The following TMC1 variants were observed in gnomAD, a reference collection of about 807,000 sequenced individuals.
The protein encoded by TMC1 is transmembrane channel like 1, also known as transmembrane channel-like protein 1.
TMC1 carries 84 observed loss-of-function variants against 105.8 expected under a neutral mutation model. That is an observed-to-expected ratio of 0.79 (90% CI 0.67 to 0.95). The LOEUF is 0.95. TMC1 is among the 40% of genes least tolerant of loss of function. TMC1 has a pLI of 0.00. For missense variants in TMC1, 817 were observed against 914.1 expected, an observed-to-expected ratio of 0.89 and a Z score of 1.37; for synonymous variants, 315 against 311.5, an observed-to-expected ratio of 1.01 and a Z score of -0.12.
At chr9:72,614,027 A>G (rs544447164) in intron 2 of TMC1, among the ~76,000 whole-genome samples, 21 of 152,186 alleles carry the variant, frequency 1.4e-4, no homozygotes, top group Non-Finnish European at 2.1e-4. Flanking sequence ...GGGCTATTAT[A>G]CTGTGAATTT....
chr9:72,606,087 C>T (rs1824907001), intron 2 of TMC1, among the ~76,000 whole-genome samples: 1 of 152,052 alleles, frequency 6.6e-6, no homozygotes, highest in Middle Eastern at 3.2e-3. Flanking sequence ...ACAATTTAGC[C>T]CATAGACACC....
intron 1 of TMC1, among the ~76,000 whole-genome samples, chr9:72,534,668 A>G (rs1030150410): frequency 6.6e-5 from 10 of 152,336 alleles, no homozygotes; most frequent in East Asian, 3.9e-4. Flanking sequence ...ATGGAATTCT[A>G]TATATTTAGT....
intron 12 of TMC1, among the ~76,000 whole-genome samples, chr9:72,758,346 G>A (rs1827703669): frequency 6.6e-6 from 1 of 151,926 alleles, no homozygotes; most frequent in Admixed American, 6.6e-5. Flanking sequence ...TAAGAGAGAG[G>A]GAAGGACCTT....
At chr9:72,616,101 C>G (rs1006731311) in intron 2 of TMC1, among the ~76,000 whole-genome samples, 1 of 152,170 alleles carries the variant, frequency 6.6e-6, no homozygotes, top group Non-Finnish European at 1.5e-5. Context: ...ACTGCTAAAA[C>G]AGAGAATATT....
intron 1 of TMC1, among the ~76,000 whole-genome samples, chr9:72,539,515 T>TC (rs1308887009): frequency 6.6e-6 from 1 of 151,962 alleles, no homozygotes; most frequent in Non-Finnish European, 1.5e-5. Context: ...GCCAAGTTTT[T>TC]TTTTCTAAAG....
At chr9:72,585,536 A>G (rs1824542036) in intron 2 of TMC1, among the ~76,000 whole-genome samples, 2 of 152,210 alleles carry the variant, frequency 1.3e-5, no homozygotes, top group South Asian at 4.1e-4. Flanking sequence ...AAGGGAAGGA[A>G]AAGCCAATGA....
At chr9:72,788,557 G>A (rs1828209170) in intron 14 of TMC1, 74 bp downstream of exon 14, 2 of 1,442,402 alleles carry the variant, frequency 1.4e-6, no homozygotes, top group South Asian at 2.3e-5. Flanking sequence ...ATCTGGTCCA[G>A]TAGTGCAGTA....
intron 2 of TMC1, among the ~76,000 whole-genome samples, chr9:72,599,509 A>G (rs1824771799): frequency 6.6e-6 from 1 of 152,218 alleles, no homozygotes; most frequent in Admixed American, 6.5e-5. Flanking sequence ...AGGCCTGGGG[A>G]GGAGGTACCA....
At chr9:72,820,805 A>G (rs761471688) in intron 19 of TMC1, 37 bp from the exon 20 acceptor site, 1 of 1,613,198 alleles carries the variant, frequency 6.2e-7, no homozygotes. Context: ...TATGGAGTAA[A>G]GACTCAAAAC....
chr9:72,584,691 T>C (rs183634026), intron 2 of TMC1, among the ~76,000 whole-genome samples: 1 of 152,074 alleles, frequency 6.6e-6, no homozygotes, highest in South Asian at 2.1e-4. Flanking sequence ...GCGAGTAGAA[T>C]TTTTTTAAGG....
At chr9:72,634,463 G>T (rs1196487631) in intron 4 of TMC1, among the ~76,000 whole-genome samples, 1 of 152,148 alleles carries the variant, frequency 6.6e-6, no homozygotes, top group African/African-American at 2.4e-5. Flanking sequence ...CTTCTCATAA[G>T]CCCAACCTTG....
At chr9:72,751,683 A>G (rs927875926) in intron 10 of TMC1, among the ~76,000 whole-genome samples, 167 bp from the exon 11 acceptor site, 3 of 152,178 alleles carry the variant, frequency 2.0e-5, no homozygotes, top group Non-Finnish European at 4.4e-5. Context: ...CATGATTAAC[A>G]TTTTCTCTTC....
chr9:72,633,477 C>A (rs1344737851), intron 4 of TMC1, among the ~76,000 whole-genome samples: 1 of 152,114 alleles, frequency 6.6e-6, no homozygotes, highest in Admixed American at 6.5e-5. Flanking sequence ...CCATGCCTGT[C>A]AAGTCATAGG....
At chr9:72,818,136 C>A (rs1588099176) in intron 19 of TMC1, among the ~76,000 whole-genome samples, 1 of 152,230 alleles carries the variant, frequency 6.6e-6, no homozygotes, top group South Asian at 2.1e-4. Context: ...ACAATCGTTC[C>A]ATTATTTTAT....
intron 1 of TMC1, among the ~76,000 whole-genome samples, chr9:72,576,672 C>T (rs1055000383): frequency 7.1e-6 from 1 of 140,934 alleles, no homozygotes; most frequent in African/African-American, 2.7e-5. Context: ...TGTTGCCAGG[C>T]TGGAGTGCAG....
chr9:72,612,885 C>G (rs1193250278), intron 2 of TMC1, among the ~76,000 whole-genome samples: 1 of 152,092 alleles, frequency 6.6e-6, no homozygotes, highest in Non-Finnish European at 1.5e-5. Flanking sequence ...AGACAGCCCC[C>G]ACAACAAAAA....
At chr9:72,700,266 A>G (rs950239095) in intron 7 of TMC1, among the ~76,000 whole-genome samples, 1 of 151,436 alleles carries the variant, frequency 6.6e-6, no homozygotes, top group Non-Finnish European at 1.5e-5. Flanking sequence ...AAAAAAAAAG[A>G]AAAGAAAAGA....
At chr9:72,643,731 C>A (rs552829491) in intron 4 of TMC1, among the ~76,000 whole-genome samples, 1 of 152,150 alleles carries the variant, frequency 6.6e-6, no homozygotes, top group African/African-American at 2.4e-5. Flanking sequence ...TTGGCTGTGA[C>A]AAAGATTCAT....
In TMC1 at chr9:72,837,268, C is replaced by A. The variant is rs1829140181; in HGVS notation, c.*1295C>A. 2.6e-5 allele frequency: 4 copies of A among 152,322 alleles called. No homozygotes were observed. In the South Asian group the frequency reaches 8.3e-4, roughly 32 times the overall value. The allele number at this position is 152,322 out of a possible 1,614,324, so 9.4% of individuals were successfully genotyped here. On this transcript the variant is annotated 3_prime_UTR_variant, in exon 24 of 24. Transcript: ENST00000297784. The stretch of plus-strand genomic sequence containing the variant: ...AGTGGGCATGCTTGAGCCCACTTGC[C>A]CAACTCCTAAGATCTCCGGCTCAGG...
Sources: gnomAD v4.1 joint callset for allele counts (sites outside exome capture counted in the v4.1 genomes callset) on GRCh38, gnomAD v4.1.1 for gene constraint, MANE v1.5 for transcripts, NCBI Gene and HGNC (gene_info 2026-07-23, HGNC 2026-07-21) for gene names.